CLHC1: variants seen among roughly 807,000 people sequenced by gnomAD.
CLHC1 encodes the protein clathrin heavy chain linker domain-containing protein 1.
Under a neutral mutation model 69.5 loss-of-function variants are expected in CLHC1, and 72 were observed. The ratio of observed to expected loss-of-function variants is 1.04; its 90% confidence interval spans 0.86 to 1.26. CLHC1 has a LOEUF of 1.26. CLHC1 is among the 50% of genes most tolerant of loss of function. CLHC1 has a pLI of 0.00. For synonymous variants in CLHC1, 223 were observed against 224.3 expected (o/e 0.99, Z 0.05); for missense variants, 790 against 679.3 (o/e 1.16, Z -1.81).
At chr2:55,225,870 TGTC>T (rs1674643319) in intron 2 of CLHC1, 1 of 152,148 alleles carries the variant, frequency 6.6e-6, no homozygotes, top group Non-Finnish European at 1.5e-5. Flanking sequence ...CAAGGCCAAC[TGTC>T]ACGTGATGAA....
intron 1 of CLHC1, 56 bp downstream of exon 1, chr2:55,232,167 T>C (rs758788534): frequency 6.3e-6 from 1 of 158,296 alleles, no homozygotes; most frequent in African/African-American, 2.4e-5. Flanking sequence ...ACATTTGCTC[T>C]AGTCACTTCC....
chr2:55,208,961 C>T (rs1672716688), intron 7 of CLHC1, among the ~76,000 whole-genome samples: 1 of 151,360 alleles, frequency 6.6e-6, no homozygotes, highest in Non-Finnish European at 1.5e-5. Context: ...AGCTCCGCCT[C>T]CCGGGTTCAC....
chr2:55,217,764 A>T lies in CLHC1; in HGVS notation c.365+47T>A, dbSNP rs761647131. ...AGAGTTACACTGGCTAGTTATTATA[A>T]TCAAGCAACAACTACCATCTTTTGG... On this transcript the variant is annotated intron_variant, in intron 4 of 12. Transcript: ENST00000401408. The T allele has an allele frequency of 8.8e-6, 11 of 1,255,918 alleles. No homozygotes were observed. In the South Asian group the frequency reaches 1.7e-4, roughly 20 times the overall value. 77.8% of individuals were successfully genotyped at this position (1,255,918 alleles called of 1,614,324 possible).
chr2:55,194,099 G>A, intron 9 of CLHC1, among the ~76,000 whole-genome samples: 1 of 152,036 alleles, frequency 6.6e-6, no homozygotes, highest in East Asian at 1.9e-4. Context: ...ATGAGTGGTT[G>A]CCTGCAGTTT....
At position 55,177,375 on chromosome 2, in the gene CLHC1, T is replaced by A. The variant is rs1669489814; in HGVS notation, c.1564+227A>T. 2.6e-5 allele frequency among the ~76,000 whole-genome samples: 4 copies of A among 152,198 alleles called. No individual in the cohort carries two copies. In the South Asian group the frequency reaches 8.3e-4, roughly 32 times the overall value. The stretch of plus-strand genomic sequence containing the variant: ...GATCATAATTATTGTAATATTCCCC[T>A]CAAGCTTCATAAAGATACTCCCTTC... On this transcript the variant is annotated intron_variant, in intron 12 of 12. Transcript: ENST00000401408.
chr2:55,209,857 CACG>C (rs751839136), intron 5 of CLHC1, 26 bp from the exon 6 acceptor site: 1 of 1,479,790 alleles, frequency 6.8e-7, no homozygotes, highest in Non-Finnish European at 9.4e-7. Context: ...ACAAATCAAA[CACG>C]ACAAGCCATG....
intron 12 of CLHC1, among the ~76,000 whole-genome samples, chr2:55,177,227 G>A (rs1455105882): frequency 1.3e-5 from 2 of 152,102 alleles, no homozygotes; most frequent in African/African-American, 4.8e-5. Context: ...AATAACATAT[G>A]TAAATACACA....
At chr2:55,210,594 AAC>A (rs1344822182) in intron 5 of CLHC1, among the ~76,000 whole-genome samples, 1 of 152,198 alleles carries the variant, frequency 6.6e-6, no homozygotes, top group African/African-American at 2.4e-5. Context: ...TGATTTCATT[AAC>A]ACACCCTGAA....
intron 2 of CLHC1, among the ~76,000 whole-genome samples, chr2:55,226,235 T>A (rs968588873): frequency 2.0e-5 from 3 of 148,760 alleles, no homozygotes; most frequent in South Asian, 2.1e-4. Flanking sequence ...AAAAAAAAAA[T>A]TGTCCAACTG....
intron 9 of CLHC1, among the ~76,000 whole-genome samples, chr2:55,192,478 T>C (rs1256866565): frequency 6.6e-6 from 1 of 152,120 alleles, no homozygotes; most frequent in Non-Finnish European, 1.5e-5. Context: ...TGATCTTATA[T>C]ATGAAGACAC....
At chr2:55,190,411 C>G (rs1379394311) in intron 9 of CLHC1, among the ~76,000 whole-genome samples, 1 of 151,892 alleles carries the variant, frequency 6.6e-6, no homozygotes, top group Non-Finnish European at 1.5e-5. Context: ...AAAATATTAC[C>G]CATACTGAGA....
At chr2:55,188,497 T>C (rs182841571) in intron 9 of CLHC1, among the ~76,000 whole-genome samples, 7 of 152,258 alleles carry the variant, frequency 4.6e-5, no homozygotes, top group East Asian at 1.9e-4. Context: ...TACGTTACCA[T>C]TGGGAATATA....
intron 9 of CLHC1, among the ~76,000 whole-genome samples, chr2:55,205,934 T>C (rs1405091283): frequency 6.6e-6 from 1 of 152,142 alleles, no homozygotes. Context: ...CTTTAATATG[T>C]ACAATTTGTT....
chr2:55,206,704 AT>A (rs550155293), intron 8 of CLHC1: 3 of 240,000 alleles, frequency 1.3e-5, no homozygotes, highest in Non-Finnish European at 2.4e-5. Flanking sequence ...ATGAACTCAG[AT>A]TTTTTTCCCT....
In CLHC1 at chr2:55,206,253, C is replaced by G. The variant is rs769850460; in HGVS notation, c.1006+17G>C. On this transcript the variant is annotated intron_variant, in intron 9 of 12. Coordinates refer to ENST00000401408, the MANE Select transcript of CLHC1 (RefSeq NM_152385.4). ...TAAATTTTCATACATATATAAGGTT[C>G]AGAGAGAAATGCTTACCCTTAAATG... 1.4e-6 allele frequency: 2 copies of G among 1,402,438 alleles called. No homozygotes were observed. The highest frequency in any genetic ancestry group is 1.7e-5 in the Admixed American group (1 of 58,612). 86.9% of individuals were successfully genotyped at this position (1,402,438 alleles called of 1,614,324 possible). A position where few individuals can be genotyped will look rare whatever the true frequency, so the allele number is the denominator to read the frequency against.
At position 55,174,330 on chromosome 2, in the gene CLHC1, C is replaced by A. The variant is rs1669196064; in HGVS notation, c.*1460G>T. 6.6e-6 allele frequency among the ~76,000 whole-genome samples: 1 copy of A among 152,014 alleles called. No individual in the cohort carries two copies. The highest frequency in any genetic ancestry group is 1.5e-5 in the Non-Finnish European group (1 of 67,986). On this transcript the variant is annotated 3_prime_UTR_variant, in exon 13 of 13. Coordinates refer to ENST00000401408, the MANE Select transcript of CLHC1 (RefSeq NM_152385.4). ...GAATTTATAAGATAAGCCAGGCAAC[C>A]CTAATACAAGTGTGGACAGATAACT...
intron 9 of CLHC1, among the ~76,000 whole-genome samples, chr2:55,205,544 A>T (rs1208617108): frequency 6.6e-6 from 1 of 152,150 alleles, no homozygotes; most frequent in African/African-American, 2.4e-5. Context: ...AGGGATACTG[A>T]GGGGCATGAG....
chr2:55,179,288 G>C (rs13019355), intron 11 of CLHC1, among the ~76,000 whole-genome samples: 71,890 of 151,660 alleles, frequency 0.47, 17,512 homozygotes, highest in Non-Finnish European at 0.53. Context: ...CTGTGCCTCA[G>C]CCTCTCTGTG....
chr2:55,190,111 C>T (rs917943614), intron 9 of CLHC1, among the ~76,000 whole-genome samples: 2 of 151,876 alleles, frequency 1.3e-5, no homozygotes, highest in Non-Finnish European at 2.9e-5. Context: ...GTGGCGTGAT[C>T]TCGGCTCACT....
Sources: gnomAD v4.1 joint callset for allele counts (sites outside exome capture counted in the v4.1 genomes callset) on GRCh38, gnomAD v4.1.1 for gene constraint, MANE v1.5 for transcripts, NCBI Gene and HGNC (gene_info 2026-07-23, HGNC 2026-07-21) for gene names.